The following UBE2C variants were observed in gnomAD, a reference collection of about 807,000 sequenced individuals.
UBE2C encodes the protein ubiquitin conjugating enzyme E2 C, also known as ubiquitin-conjugating enzyme E2 C.
A neutral mutation model predicts 23.5 loss-of-function variants in UBE2C; 16 were observed. The observed-to-expected ratio is 0.68, with a 90% CI of 0.46 to 1.03. The LOEUF is 1.03. Ranked by LOEUF, UBE2C falls within the 50% of genes least tolerant of loss-of-function variation. UBE2C has a pLI of 0.00. For missense variants in UBE2C, 192 were observed against 227.6 expected, an observed-to-expected ratio of 0.84 and a Z score of 1.01; for synonymous variants, 76 against 91.6, an observed-to-expected ratio of 0.83 and a Z score of 0.97.
chr20:45,814,344 A>T (rs746394417), intron 2 of UBE2C, 40 bp from the exon 3 acceptor site: 2 of 1,538,754 alleles, frequency 1.3e-6, no homozygotes, highest in South Asian at 2.3e-5. Flanking sequence ...CTATGCCCAA[A>T]AGTGTACTCC....
Position 45,812,685 on chromosome 20 carries a change from A to C in UBE2C, c.-11A>C, listed in dbSNP as rs768969464. The C allele has an allele frequency of 6.4e-7, 1 of 1,550,904 alleles. No individual in the cohort carries two copies. Among genetic ancestry groups the C allele is most frequent in the Non-Finnish European group, 8.7e-7 (1 of 1,146,956 alleles). ...TCTCCGAGTTCCTGTCTCTCTGCCAACGCCGCCCGGATGGCTTCCCAAAAC... is the reference window on the plus strand; with the variant it reads ...TCTCCGAGTTCCTGTCTCTCTGCCACCGCCGCCCGGATGGCTTCCCAAAAC... On this transcript the variant is annotated 5_prime_UTR_variant, in exon 1 of 6. Transcript: ENST00000356455.
intron 3 of UBE2C, 51 bp downstream of exon 3, chr20:45,814,521 G>T: frequency 6.8e-7 from 1 of 1,477,526 alleles, no homozygotes; most frequent in Non-Finnish European, 9.3e-7. Context: ...GGTGGGAAGT[G>T]AGATCCAAGT....
chr20:45,816,473 T>A (rs1305661357), intron 5 of UBE2C, among the ~76,000 whole-genome samples: 1 of 152,040 alleles, frequency 6.6e-6, no homozygotes, highest in African/African-American at 2.4e-5. Flanking sequence ...CCGTCTCTAC[T>A]AAATACAAAA....
At chr20:45,816,379 T>G (rs750283662) in intron 5 of UBE2C, among the ~76,000 whole-genome samples, 1 of 147,274 alleles carries the variant, frequency 6.8e-6, no homozygotes, top group Admixed American at 6.6e-5. Flanking sequence ...CTCATGCCTG[T>G]AATCCTAGCA....
chr20:45,813,578 A>T, intron 2 of UBE2C, 114 bp downstream of exon 2: 1 of 1,398,384 alleles, frequency 7.2e-7, no homozygotes. Flanking sequence ...CCCTCCTGGG[A>T]AAGAAGTTCA....
chr20:45,814,260 G>A, intron 2 of UBE2C, 124 bp from the exon 3 acceptor site: 2 of 347,094 alleles, frequency 5.8e-6, no homozygotes, highest in South Asian at 8.7e-5. Flanking sequence ...ATGTGTGTGT[G>A]TGTATGTGAG....
At chr20:45,814,530 G>A (rs1399301559) in intron 3 of UBE2C, 60 bp downstream of exon 3, 4 of 1,393,886 alleles carry the variant, frequency 2.9e-6, no homozygotes, top group Middle Eastern at 1.8e-4. Flanking sequence ...TGAGATCCAA[G>A]TGCGAGCTCT....
At chr20:45,814,144 C>A (rs564926470) in intron 2 of UBE2C, among the ~76,000 whole-genome samples, 1,852 of 144,136 alleles carry the variant, frequency 0.013, 42 homozygotes, top group African/African-American at 0.048. Flanking sequence ...CTCTCTCTCT[C>A]TCTATATATA....
chr20:45,815,794 A>T, intron 4 of UBE2C, 49 bp downstream of exon 4: 1 of 1,613,144 alleles, frequency 6.2e-7, no homozygotes, highest in Non-Finnish European at 8.5e-7. Context: ...GGAACCTGTC[A>T]GGACTCCCTG....
intron 5 of UBE2C, 150 bp downstream of exon 5, chr20:45,816,063 CCTATTTG>C (rs1219281691): frequency 1.1e-5 from 8 of 711,914 alleles, no homozygotes; most frequent in Non-Finnish European, 1.4e-5. Context: ...CCCCAGTGCT[CCTATTTG>C]CTATAAAATA....
chr20:45,812,659 T>G lies in UBE2C; in HGVS notation c.-37T>G. 1 of 1,549,402 alleles carries G rather than the reference T, an allele frequency of 6.5e-7. No homozygotes were observed. Among genetic ancestry groups the G allele is most frequent in the South Asian group, 1.2e-5 (1 of 84,052 alleles). ...CCGCAGTCCTGCAGTTGCAGTCGTG[T>G]TCTCCGAGTTCCTGTCTCTCTGCCA... On this transcript the variant is annotated 5_prime_UTR_variant, in exon 1 of 6. Coordinates refer to ENST00000356455, the MANE Select transcript of UBE2C (RefSeq NM_007019.4).
intron 1 of UBE2C, 34 bp from the exon 2 acceptor site, chr20:45,813,403 G>C: frequency 6.2e-7 from 1 of 1,614,082 alleles, no homozygotes; most frequent in Non-Finnish European, 8.5e-7. Context: ...GGCCCATCCA[G>C]ACTCCCAGGT....
intron 5 of UBE2C, 142 bp from the exon 6 acceptor site, chr20:45,816,567 G>A: frequency 1.5e-6 from 1 of 656,938 alleles, no homozygotes; most frequent in South Asian, 2.0e-5. Flanking sequence ...AATCTAGGAA[G>A]CAGAGGTTGC....
At chr20:45,812,875 C>A in intron 1 of UBE2C, 79 bp downstream of exon 1, 2 of 1,458,194 alleles carry the variant, frequency 1.4e-6, no homozygotes, top group Middle Eastern at 1.9e-4. Context: ...TCTAGGACCA[C>A]CCCCCGCCGC....
In UBE2C at chr20:45,814,377, T is replaced by TC. The variant is rs1187396560; in HGVS notation, c.130-3dup. ...TCCACATTCCAACAAATGTGTTTTC[T>TC]CCCCAGATGTCTGGCGATAAAGGGA... On this transcript the variant is annotated splice_region_variant and splice_polypyrimidine_tract_variant and intron_variant, in intron 2 of 5. Coordinates refer to ENST00000356455, the MANE Select transcript of UBE2C (RefSeq NM_007019.4). 10 of 1,599,698 alleles carry TC rather than the reference T, an allele frequency of 6.3e-6. No homozygotes were observed. Among genetic ancestry groups the TC allele is most frequent in the Non-Finnish European group, 8.5e-6 (10 of 1,173,196 alleles).
chr20:45,816,773 GC>G lies in UBE2C; in HGVS notation c.*7del. The G allele has an allele frequency of 6.2e-7, 1 of 1,612,910 alleles. No individual in the cohort carries two copies. ...TCACCAGCCAGGAGCCCTGACCCAGGCTGCCCAGCCTGTCCTTGTGTCGTCT... is the reference window on the plus strand; with the variant it reads ...TCACCAGCCAGGAGCCCTGACCCAGGTGCCCAGCCTGTCCTTGTGTCGTCT... On this transcript the variant is annotated 3_prime_UTR_variant, in exon 6 of 6. Transcript: ENST00000356455.
At chr20:45,815,459 A>G in intron 3 of UBE2C, 82 bp from the exon 4 acceptor site, 2 of 1,614,118 alleles carry the variant, frequency 1.2e-6, no homozygotes, top group Non-Finnish European at 1.7e-6. Flanking sequence ...TCAAGATTCT[A>G]GCAAGCCCCT....
At chr20:45,814,081 C>T (rs967820639) in intron 2 of UBE2C, among the ~76,000 whole-genome samples, 1 of 150,758 alleles carries the variant, frequency 6.6e-6, no homozygotes, top group Admixed American at 6.6e-5. Context: ...CTAGCCTGGG[C>T]GACAGAGTGT....
Position 45,813,128 on chromosome 20 carries a change from G to A in UBE2C, c.102-309G>A, listed in dbSNP as rs73308406. On this transcript the variant is annotated intron_variant, in intron 1 of 5. Coordinates refer to ENST00000356455, the MANE Select transcript of UBE2C (RefSeq NM_007019.4). ...TTCCCTGGTGGGCCTAGATGAAGAC[G>A]CTCAAGGACCCTCGTGACTTGGCCG... is the stretch of plus-strand genomic sequence containing the variant. 3.2e-3 allele frequency: 4,528 copies of A among 1,397,452 alleles called. 133 individuals are homozygous for A. The African/African-American group carries it at 0.059, about 18-fold the overall frequency. The allele number at this position is 1,397,452 out of a possible 1,614,324, so 86.6% of individuals were successfully genotyped here. A position where few individuals can be genotyped will look rare whatever the true frequency, so the allele number is the denominator to read the frequency against.
Sources: gnomAD v4.1 joint callset for allele counts (sites outside exome capture counted in the v4.1 genomes callset) on GRCh38, gnomAD v4.1.1 for gene constraint, MANE v1.5 for transcripts, NCBI Gene and HGNC (gene_info 2026-07-23, HGNC 2026-07-21) for gene names.